HECW2: variants seen among roughly 807,000 people sequenced by gnomAD.
The protein encoded by HECW2 is E3 ubiquitin-protein ligase HECW2.
In HECW2, 61 loss-of-function variants were observed where a neutral mutation model predicts 175.2. That is an observed-to-expected ratio of 0.35 (90% CI 0.28 to 0.43). The LOEUF is 0.43. Ranked by LOEUF, HECW2 falls within the 20% of genes least tolerant of loss-of-function variation. The pLI, the probability that HECW2 is intolerant of heterozygous loss-of-function variation, is 1.00. For synonymous variants in HECW2, 671 were observed against 731.0 expected (o/e 0.92, Z 1.32); for missense variants, 1,524 against 2,000.5 (o/e 0.76, Z 4.54).
chr2:196,498,916 G>A (rs992210484), intron 1 of HECW2, among the ~76,000 whole-genome samples: 1 of 151,948 alleles, frequency 6.6e-6, no homozygotes, highest in African/African-American at 2.4e-5. Flanking sequence ...CAGACCAACT[G>A]GTGCCACCCA....
At chr2:196,300,870 T>TA (rs897725288) in intron 13 of HECW2, among the ~76,000 whole-genome samples, 2 of 151,366 alleles carry the variant, frequency 1.3e-5, no homozygotes, top group Non-Finnish European at 2.9e-5. Flanking sequence ...GTTGCTCTTT[T>TA]TTTTTCTTCA....
chr2:196,241,917 T>G (rs963604159), intron 20 of HECW2, among the ~76,000 whole-genome samples, 167 bp downstream of exon 20: 1 of 152,220 alleles, frequency 6.6e-6, no homozygotes, highest in African/African-American at 2.4e-5. Context: ...CATGTTTCAT[T>G]CCAGGACTAT....
At chr2:196,251,084 G>A (rs1167650347) in intron 19 of HECW2, among the ~76,000 whole-genome samples, 1 of 152,078 alleles carries the variant, frequency 6.6e-6, no homozygotes, top group Non-Finnish European at 1.5e-5. Context: ...CTGTTGCCCA[G>A]GCTGGAGTGC....
At chr2:196,581,394 C>T (rs965799065) in intron 1 of HECW2, among the ~76,000 whole-genome samples, 1 of 152,020 alleles carries the variant, frequency 6.6e-6, no homozygotes, top group Admixed American at 6.5e-5. Flanking sequence ...AATAGCTGGG[C>T]ATGGTGGCAT....
At chr2:196,336,487 T>C (rs900050278) in intron 3 of HECW2, among the ~76,000 whole-genome samples, 1 of 152,180 alleles carries the variant, frequency 6.6e-6, no homozygotes, top group Non-Finnish European at 1.5e-5. Context: ...CAGCACCTCA[T>C]AGATCAAATC....
chr2:196,494,453 G>C (rs1034409258), intron 1 of HECW2, among the ~76,000 whole-genome samples: 6 of 152,192 alleles, frequency 3.9e-5, no homozygotes, highest in South Asian at 2.1e-4. Flanking sequence ...TTTTCAAGGG[G>C]TAGAATTTCC....
At chr2:196,244,461 T>C (rs377631936) in intron 19 of HECW2, among the ~76,000 whole-genome samples, 1 of 152,364 alleles carries the variant, frequency 6.6e-6, no homozygotes, top group African/African-American at 2.4e-5. Flanking sequence ...CTGGCTTGCA[T>C]TTCCTTGGGG....
intron 15 of HECW2, among the ~76,000 whole-genome samples, chr2:196,275,121 T>C (rs1194286387): frequency 6.6e-6 from 1 of 152,200 alleles, no homozygotes; most frequent in Non-Finnish European, 1.5e-5. Flanking sequence ...CGCTTGCTTG[T>C]CCTTCAAGAA....
chr2:196,348,568 A>T (rs1693049276), intron 2 of HECW2, among the ~76,000 whole-genome samples: 1 of 152,112 alleles, frequency 6.6e-6, no homozygotes, highest in Non-Finnish European at 1.5e-5. Context: ...GTGTCCCTTG[A>T]GCCCAGGAGT....
intron 1 of HECW2, among the ~76,000 whole-genome samples, chr2:196,434,531 T>C (rs563427407): frequency 1.3e-5 from 2 of 152,312 alleles, no homozygotes; most frequent in East Asian, 1.9e-4. Flanking sequence ...GTACCTCCTG[T>C]ACTTTAACGC....
rs1689574239 is a variant in HECW2 at position 196,550,482 on chromosome 2, CT to C, written c.-36+43025del. Among the ~76,000 whole-genome samples the C allele has an allele frequency of 3.3e-5, 5 of 151,590 alleles. No individual in the cohort carries two copies. In the South Asian group the frequency reaches 1.0e-3, roughly 31 times the overall value. ...CATTGAAAATTCTTTAAGAAAATAG[CT>C]TTTCCTTTTAAAATTACTATTGCTT... On this transcript the variant is annotated intron_variant, in intron 1 of 28. Coordinates refer to ENST00000644978, the MANE Select transcript of HECW2 (RefSeq NM_001348768.2).
intron 1 of HECW2, chr2:196,586,490 T>C (rs1026659419): frequency 6.6e-6 from 1 of 152,248 alleles, no homozygotes; most frequent in African/African-American, 2.4e-5. Flanking sequence ...TGCCCATCAC[T>C]TTGCACAGCA....
intron 1 of HECW2, among the ~76,000 whole-genome samples, chr2:196,444,213 A>G (rs1175702548): frequency 6.6e-6 from 1 of 152,206 alleles, no homozygotes; most frequent in Non-Finnish European, 1.5e-5. Flanking sequence ...TTAAGTTGGT[A>G]AACTATTGGT....
At chr2:196,552,817 T>C (rs1446812246) in intron 1 of HECW2, among the ~76,000 whole-genome samples, 1 of 152,330 alleles carries the variant, frequency 6.6e-6, no homozygotes, top group East Asian at 1.9e-4. Context: ...GGGTGAATCT[T>C]TCCTCTTCAG....
chr2:196,546,592 C>G (rs1166423146), intron 1 of HECW2, among the ~76,000 whole-genome samples: 1 of 152,134 alleles, frequency 6.6e-6, no homozygotes, highest in Admixed American at 6.5e-5. Context: ...TCCTGCAACC[C>G]TGGCTACAAC....
Position 196,319,889 on chromosome 2 carries a change from G to C in HECW2, c.1001C>G (p.Ala334Gly). 6.3e-7 allele frequency: 1 copy of C among 1,594,312 alleles called. No individual in the cohort carries two copies. Among genetic ancestry groups the C allele is most frequent in the Non-Finnish European group, 8.6e-7 (1 of 1,167,096 alleles). ...ATTGACTCCAAGTATTGTGCCAACA[G>C]CTTCTGGAGAGGCATCTGAATGAGA... Reference protein sequence around the residue: ...SSVHEDASPEAVGTILGVNSV... With the variant: ...SSVHEDASPEGVGTILGVNSV... The change falls in exon 9 of 29, where the codon GCT (alanine) becomes GGT (glycine). Residue 334 changes from alanine (A) to glycine (G), a missense_variant. Transcript: ENST00000644978.
At chr2:196,389,791 G>C (rs1040557409) in intron 2 of HECW2, among the ~76,000 whole-genome samples, 1 of 152,156 alleles carries the variant, frequency 6.6e-6, no homozygotes, top group Non-Finnish European at 1.5e-5. Flanking sequence ...AATCAGAAGT[G>C]GGGGAGTGAG....
intron 13 of HECW2, among the ~76,000 whole-genome samples, chr2:196,299,250 T>C (rs957726123): frequency 6.6e-6 from 1 of 150,632 alleles, no homozygotes; most frequent in Admixed American, 6.6e-5. Flanking sequence ...CAAGATAGAC[T>C]ATCCAGCAAA....
At chr2:196,571,341 G>C (rs1442798687) in intron 1 of HECW2, among the ~76,000 whole-genome samples, 1 of 152,160 alleles carries the variant, frequency 6.6e-6, no homozygotes, top group Non-Finnish European at 1.5e-5. Flanking sequence ...ACAATACTTA[G>C]TTGTGTCTAC....
Sources: allele counts gnomAD v4.1 joint callset (sites outside exome capture counted in the v4.1 genomes callset), GRCh38; gene constraint gnomAD v4.1.1; transcripts MANE v1.5; gene names NCBI Gene and HGNC (gene_info 2026-07-23, HGNC 2026-07-21).